Variants in ANO5 observed in about 807,000 individuals in gnomAD.
ANO5 encodes anoctamin 5, also known as anoctamin-5.
In ANO5, 109 loss-of-function variants were observed where a neutral mutation model predicts 121.0. The observed-to-expected ratio is 0.90, with a 90% CI of 0.77 to 1.06. The LOEUF (loss-of-function observed/expected upper bound fraction) is 1.06, where lower values mean the gene tolerates loss of function less well. ANO5 is among the 50% of genes least tolerant of loss of function. ANO5 has a pLI of 0.00. For missense variants in ANO5, 1,064 were observed against 1,078.5 expected (o/e 0.99, Z 0.19); for synonymous variants, 406 against 359.9 (o/e 1.13, Z -1.45).
intron 2 of ANO5, among the ~76,000 whole-genome samples, chr11:22,205,105 C>T (rs775310128): frequency 6.6e-6 from 1 of 152,000 alleles, no homozygotes; most frequent in Non-Finnish European, 1.5e-5. Context: ...AACAGAAAAC[C>T]AAATACCCCA....
intron 6 of ANO5, 66 bp from the exon 7 acceptor site, chr11:22,227,236 A>C (rs1286081358): frequency 6.4e-7 from 1 of 1,571,690 alleles, no homozygotes; most frequent in Non-Finnish European, 8.7e-7. Context: ...TATCCATCTT[A>C]TTTAATCAGC....
intron 15 of ANO5, 61 bp from the exon 16 acceptor site, chr11:22,262,068 A>T: frequency 6.6e-7 from 1 of 1,513,050 alleles, no homozygotes; most frequent in Non-Finnish European, 9.1e-7. Context: ...TGTCCTAGGG[A>T]GTACGAAGTT....
At position 22,279,569 on chromosome 11, in the gene ANO5, T is replaced by G. The variant is rs1284450055; in HGVS notation, c.2546T>G (p.Leu849Trp). 6.2e-7 allele frequency: 1 copy of G among 1,612,634 alleles called. No homozygotes were observed. The highest frequency in any genetic ancestry group is 8.5e-7 in the Non-Finnish European group (1 of 1,179,036). ...MEHVVFLVKF[L>W]LAWMIPDVPK... is the part of the protein sequence containing the mutation. ...CATGTTGTGTTTTTAGTTAAATTTT[T>G]GCTGGCCTGGATGATACCTGATGTT... is the stretch of plus-strand genomic sequence containing the variant. Residue 849 changes from leucine (L) to tryptophan (W), a missense_variant, in exon 22 of 22, where the codon TTG (leucine) becomes TGG (tryptophan). Physicochemically the swap from Leu to Trp is moderately conservative, Grantham distance 61. Transcript: ENST00000324559.
rs75659948 is a variant in ANO5 at position 22,201,875 on chromosome 11, C to A, written c.41-1929C>A. 3.5e-3 allele frequency among the ~76,000 whole-genome samples: 530 copies of A among 152,238 alleles called. 1 individual carries two copies. Among genetic ancestry groups the A allele is most frequent in the African/African-American group, 0.012 (509 of 41,520 alleles). Reference sequence around the variant, plus strand: ...TTGTTGCATTGCAGATTGTTTCTGACACATAAACTTTGGGAGACAAATTCA... The same window carrying A: ...TTGTTGCATTGCAGATTGTTTCTGAAACATAAACTTTGGGAGACAAATTCA... On this transcript the variant is annotated intron_variant, in intron 1 of 21. Coordinates refer to ENST00000324559, the MANE Select transcript of ANO5 (RefSeq NM_213599.3).
At chr11:22,198,294 G>A (rs1851868442) in intron 1 of ANO5, among the ~76,000 whole-genome samples, 2 of 152,170 alleles carry the variant, frequency 1.3e-5, no homozygotes, top group South Asian at 4.1e-4. Flanking sequence ...GCCAATCCAG[G>A]GGACAGTTGA....
Position 22,222,135 on chromosome 11 carries a change from G to A in ANO5, c.294+925G>A, listed in dbSNP as rs951905953. Among the ~76,000 whole-genome samples, 3 of 151,814 alleles carry A rather than the reference G, an allele frequency of 2.0e-5. 1 individual carries two copies. Among genetic ancestry groups the A allele is most frequent in the Admixed American group, 1.3e-4 (2 of 15,214 alleles). On this transcript the variant is annotated intron_variant, in intron 5 of 21. Transcript: ENST00000324559. ...CCTAGAGATGGGGTAAATGCTGCTT[G>A]CCTTCCTTGTATCTTGTTGATTATA...
At chr11:22,234,139 A>G (rs902141547) in intron 7 of ANO5, among the ~76,000 whole-genome samples, 3 of 152,154 alleles carry the variant, frequency 2.0e-5, no homozygotes, top group African/African-American at 7.2e-5. Flanking sequence ...TTGCTCAACT[A>G]TAATTTTTCA....
intron 7 of ANO5, among the ~76,000 whole-genome samples, chr11:22,235,385 G>A (rs1469587904): frequency 1.3e-5 from 2 of 151,890 alleles, no homozygotes; most frequent in African/African-American, 4.8e-5. Flanking sequence ...TTACCGAGAT[G>A]GAATATGGAG....
rs1326200256 is a variant in ANO5, at chr11:22,274,668, A to G, written c.2335A>G (p.Asn779Asp). ...ATQPMTGYVNNSLSVFLIADF... is the reference protein window; with the variant it reads ...ATQPMTGYVNDSLSVFLIADF... ...ACAGCCTATGACAGGATATGTGAATAATAGCCTGTCAGTATTCCTGATAGC... is the reference window on the plus strand; with the variant it reads ...ACAGCCTATGACAGGATATGTGAATGATAGCCTGTCAGTATTCCTGATAGC... The change falls in exon 20 of 22, where the codon AAT (asparagine) becomes GAT (aspartate). Residue 779 changes from asparagine (N) to aspartate (D), a missense_variant. Asn to Asp is a conservative substitution (Grantham distance 23). Coordinates refer to ENST00000324559, the MANE Select transcript of ANO5 (RefSeq NM_213599.3). The G allele has an allele frequency of 6.2e-7, 1 of 1,613,540 alleles. No individual in the cohort carries two copies. The highest frequency in any genetic ancestry group is 1.1e-5 in the South Asian group (1 of 91,072).
intron 9 of ANO5, among the ~76,000 whole-genome samples, chr11:22,241,480 A>G (rs2133672476): frequency 6.6e-6 from 1 of 152,106 alleles, no homozygotes; most frequent in African/African-American, 2.4e-5. Flanking sequence ...ACTGTTTTCC[A>G]CAGCAGCTGA....
chr11:22,247,934 A>G (rs1285688929), intron 9 of ANO5, among the ~76,000 whole-genome samples: 1 of 152,122 alleles, frequency 6.6e-6, no homozygotes, highest in Non-Finnish European at 1.5e-5. Flanking sequence ...TTAGAAACAA[A>G]ATTGAAATAC....
intron 3 of ANO5, among the ~76,000 whole-genome samples, chr11:22,217,111 G>C (rs1852470282): frequency 6.6e-6 from 1 of 151,886 alleles, no homozygotes; most frequent in Non-Finnish European, 1.5e-5. Context: ...TCTATATATA[G>C]AAGACATTAG....
chr11:22,263,620 T>C (rs1854267109), intron 17 of ANO5, among the ~76,000 whole-genome samples: 1 of 152,142 alleles, frequency 6.6e-6, no homozygotes. Context: ...ACAGTTTATC[T>C]CAAATAGTAG....
rs1854134860 is a variant in ANO5 at position 22,259,836 on chromosome 11, A to G, written c.1630+95A>G. 25 of 1,276,652 alleles carry G rather than the reference A, an allele frequency of 2.0e-5. 1 individual carries two copies. The South Asian group carries it at 3.2e-4, about 16-fold the overall frequency. 79.1% of individuals were successfully genotyped at this position (1,276,652 alleles called of 1,614,324 possible). ...TCAGGTCTCCAGGAGTTCATTTTCA[A>G]AGGACACATTTTAAGGCAGTTTTTC... is the stretch of plus-strand genomic sequence containing the variant. On this transcript the variant is annotated intron_variant, in intron 15 of 21. Coordinates refer to ENST00000324559, the MANE Select transcript of ANO5 (RefSeq NM_213599.3).
At chr11:22,264,628 C>G (rs1416851713) in intron 17 of ANO5, among the ~76,000 whole-genome samples, 1 of 151,946 alleles carries the variant, frequency 6.6e-6, no homozygotes, top group Non-Finnish European at 1.5e-5. Flanking sequence ...GCTGATATTT[C>G]TAACTAGAAT....
chr11:22,245,998 C>A (rs1044751291), intron 9 of ANO5, among the ~76,000 whole-genome samples: 2 of 152,132 alleles, frequency 1.3e-5, no homozygotes, highest in Non-Finnish European at 2.9e-5. Context: ...GGACCTGAAG[C>A]TTCCTGTGAG....
intron 21 of ANO5, among the ~76,000 whole-genome samples, chr11:22,277,221 A>T (rs1031554903): frequency 2.6e-5 from 4 of 151,580 alleles, no homozygotes; most frequent in African/African-American, 9.7e-5. Context: ...GGGGAAAAAA[A>T]ACTTTCTCCT....
intron 4 of ANO5, among the ~76,000 whole-genome samples, chr11:22,219,256 A>G (rs549199389): frequency 4.5e-4 from 69 of 152,166 alleles, no homozygotes; most frequent in African/African-American, 1.5e-3. Flanking sequence ...TTTGGCTTTC[A>G]GAAGGACAGT....
chr11:22,255,645 C>A, intron 13 of ANO5, 123 bp downstream of exon 13: 2 of 1,122,126 alleles, frequency 1.8e-6, no homozygotes, highest in Non-Finnish European at 2.6e-6. Flanking sequence ...ATCACATAAA[C>A]TTCTTTACTT....
Sources: allele counts gnomAD v4.1 joint callset (sites outside exome capture counted in the v4.1 genomes callset), GRCh38; gene constraint gnomAD v4.1.1; transcripts MANE v1.5; gene names NCBI Gene and HGNC (gene_info 2026-07-23, HGNC 2026-07-21).